Variants in COBLL1 observed in about 807,000 individuals in gnomAD.
The protein encoded by COBLL1 is cordon-bleu protein-like 1.
COBLL1 carries 50 observed loss-of-function variants against 94.8 expected under a neutral mutation model. That is an observed-to-expected ratio of 0.53 (90% confidence interval 0.42 to 0.67). The LOEUF is 0.67. COBLL1 is among the 30% of genes least tolerant of loss of function. The pLI is 0.00. For missense variants in COBLL1, 1,362 were observed against 1,348.7 expected, an observed-to-expected ratio of 1.01 and a Z score of -0.15; for synonymous variants, 448 against 473.8, an observed-to-expected ratio of 0.95 and a Z score of 0.71.
chr2:164,661,986 CTT>C (rs534797668), intron 2 of COBLL1, among the ~76,000 whole-genome samples: 39 of 152,102 alleles, frequency 2.6e-4, no homozygotes, highest in Non-Finnish European at 5.3e-4. Flanking sequence ...ATTATTCACT[CTT>C]GTTTTTAAAT....
chr2:164,815,655 T>G (rs1198898767), intron 2 of COBLL1, among the ~76,000 whole-genome samples: 1 of 152,146 alleles, frequency 6.6e-6, no homozygotes, highest in Non-Finnish European at 1.5e-5. Flanking sequence ...GTATTAAGAA[T>G]ATCAATAAAT....
chr2:164,673,849 CT>C (rs1691289651), intron 1 of COBLL1, among the ~76,000 whole-genome samples: 2 of 151,940 alleles, frequency 1.3e-5, no homozygotes, highest in Admixed American at 1.3e-4. Context: ...CAAATTAAAC[CT>C]AACCAAATTT....
rs1682974340 is a variant in COBLL1 at position 164,680,257 on chromosome 2, T to C, written c.*5689A>G. ...AAACATGCAGACAAGTTAAAAATCA[T>C]GTACAATATAACCCACATACCCACC... On this transcript the variant is annotated 3_prime_UTR_variant, in exon 14 of 14. Coordinates refer to ENST00000652658, the MANE Select transcript of COBLL1 (RefSeq NM_001365672.2). 6.6e-6 allele frequency: 1 copy of C among 152,106 alleles called. No homozygotes were observed. The highest frequency in any genetic ancestry group is 2.4e-5 in the African/African-American group (1 of 41,420). 9.4% of individuals were successfully genotyped at this position (152,106 alleles called of 1,614,324 possible). A position where few individuals can be genotyped will look rare whatever the true frequency, so the allele number is the denominator to read the frequency against.
At position 164,699,450 on chromosome 2, in the gene COBLL1, C is replaced by G. The variant is rs1386416934; in HGVS notation, c.1510G>C (p.Asp504His). Residue 504 changes from aspartate (D) to histidine (H), a missense_variant, in exon 11 of 14, where the codon GAC (aspartate) becomes CAC (histidine). By Grantham distance (81) the Asp-to-His change is moderately conservative (BLOSUM62 -1). Coordinates refer to ENST00000652658, the MANE Select transcript of COBLL1 (RefSeq NM_001365672.2). ...YDTSNGKKVV[D>H]SIRNLKSLGP... ...AACGACTTCAAGTTTCTTATACTGTCAACTACCTTCTTTCCATTGCTTGTA... is the reference window on the plus strand; with the variant it reads ...AACGACTTCAAGTTTCTTATACTGTGAACTACCTTCTTTCCATTGCTTGTA... The G allele has an allele frequency of 6.2e-7, 1 of 1,612,506 alleles. No homozygotes were observed. Among genetic ancestry groups the G allele is most frequent in the Non-Finnish European group, 8.5e-7 (1 of 1,178,798 alleles).
At chr2:164,665,158 C>T (rs1295676060) in intron 2 of COBLL1, among the ~76,000 whole-genome samples, 2 of 151,930 alleles carry the variant, frequency 1.3e-5, no homozygotes, top group African/African-American at 2.4e-5. Context: ...TGGCAAAACG[C>T]CATCTCTACT....
chr2:164,756,853 T>A (rs1687435385), intron 2 of COBLL1, among the ~76,000 whole-genome samples: 1 of 152,106 alleles, frequency 6.6e-6, no homozygotes, highest in Non-Finnish European at 1.5e-5. Context: ...GAGATCGTGG[T>A]TTGTGTCTGG....
chr2:164,756,345 C>T (rs939756828), intron 2 of COBLL1, among the ~76,000 whole-genome samples: 2 of 152,112 alleles, frequency 1.3e-5, no homozygotes, highest in African/African-American at 4.8e-5. Context: ...TAACATAATT[C>T]TCTCTCTCCA....
At position 164,758,917 on chromosome 2, in the gene COBLL1, T is replaced by C. The variant is rs911086231; in HGVS notation, c.42-15042A>G. Reference sequence around the variant, plus strand: ...GCAATAAATATAGAAAAAAAAGTTCTCCACCAAAGGAAGTTAAAAAGTTTT... The same window carrying C: ...GCAATAAATATAGAAAAAAAAGTTCCCCACCAAAGGAAGTTAAAAAGTTTT... On this transcript the variant is annotated intron_variant, in intron 2 of 13. Coordinates refer to ENST00000652658, the MANE Select transcript of COBLL1 (RefSeq NM_001365672.2). Among the ~76,000 whole-genome samples, 96 of 152,150 alleles carry C rather than the reference T, an allele frequency of 6.3e-4. 1 individual carries two copies. The highest frequency in any genetic ancestry group is 2.1e-3 in the African/African-American group (86 of 41,532).
intron 2 of COBLL1, among the ~76,000 whole-genome samples, chr2:164,809,351 C>T (rs995297105): frequency 2.5e-4 from 38 of 151,912 alleles, no homozygotes; most frequent in African/African-American, 8.9e-4. Flanking sequence ...ACTCTTATTC[C>T]TACATGTAAC....
chr2:164,842,022 A>G (rs1024741943), upstream of COBLL1: 10 of 1,537,936 alleles, frequency 6.5e-6, no homozygotes, highest in Non-Finnish European at 8.7e-6. Context: ...GCCGCACATA[A>G]GTGGGGACCA....
chr2:164,785,347 C>G (rs1276483681), intron 2 of COBLL1, among the ~76,000 whole-genome samples: 1 of 152,164 alleles, frequency 6.6e-6, no homozygotes, highest in African/African-American at 2.4e-5. Flanking sequence ...AGAGATTGCA[C>G]TACTGCACCT....
At chr2:164,746,771 A>G (rs1308389182) in intron 2 of COBLL1, among the ~76,000 whole-genome samples, 10 of 151,886 alleles carry the variant, frequency 6.6e-5, no homozygotes, top group Admixed American at 6.6e-4. Context: ...TCCCCTATCT[A>G]ACACTTTCTC....
chr2:164,714,509 G>A (rs530878687), intron 7 of COBLL1, among the ~76,000 whole-genome samples: 16 of 152,204 alleles, frequency 1.1e-4, no homozygotes, highest in Non-Finnish European at 1.9e-4. Flanking sequence ...CCACAGGGTA[G>A]GAGAATGTGA....
rs1299296969 is a variant in COBLL1 at position 164,680,342 on chromosome 2, C to T, written c.*5604G>A. ...AATGTAGAGAGTAATGATGACATTA[C>T]CAAAATTTCCTAAGTATATTATTTT... On this transcript the variant is annotated 3_prime_UTR_variant, in exon 14 of 14. Transcript: ENST00000652658. 6.6e-6 allele frequency: 1 copy of T among 151,992 alleles called. No individual in the cohort carries two copies. The highest frequency in any genetic ancestry group is 1.5e-5 in the Non-Finnish European group (1 of 67,990). 9.4% of individuals were successfully genotyped at this position (151,992 alleles called of 1,614,324 possible). A position where few individuals can be genotyped will look rare whatever the true frequency, so the allele number is the denominator to read the frequency against.
intron 2 of COBLL1, among the ~76,000 whole-genome samples, chr2:164,826,896 GT>G (rs11307250): frequency 0.56 from 68,011 of 121,820 alleles, 15,784 homozygotes; most frequent in African/African-American, 0.69. Context: ...TCTTTGTTTC[GT>G]TTTTTTTTTT....
chr2:164,764,190 C>T (rs994303233), intron 2 of COBLL1, among the ~76,000 whole-genome samples: 2 of 152,216 alleles, frequency 1.3e-5, no homozygotes. Flanking sequence ...TGAGCCACCA[C>T]ACCCAGCTAG....
intron 7 of COBLL1, among the ~76,000 whole-genome samples, chr2:164,706,035 G>C (rs2105459374): frequency 6.6e-6 from 1 of 152,128 alleles, no homozygotes; most frequent in Non-Finnish European, 1.5e-5. Flanking sequence ...ACTCCATCTT[G>C]AAAAAATGAA....
intron 2 of COBLL1, among the ~76,000 whole-genome samples, chr2:164,804,721 TA>T (rs1377623888): frequency 6.6e-6 from 1 of 152,158 alleles, no homozygotes; most frequent in East Asian, 1.9e-4. Context: ...GAAGATTAGT[TA>T]ATAAATAATA....
Position 164,692,406 on chromosome 2 carries a change from A to G in COBLL1, c.3124-9T>C. On this transcript the variant is annotated splice_polypyrimidine_tract_variant and intron_variant, in intron 12 of 13. Coordinates refer to ENST00000652658, the MANE Select transcript of COBLL1 (RefSeq NM_001365672.2). ...TGTGCAGAGTTATTTTCCTACAAAA[A>G]TAAATGTGAAATATTTATATGAATG... 3 of 1,583,548 alleles carry G rather than the reference A, an allele frequency of 1.9e-6. No individual in the cohort carries two copies. The highest frequency in any genetic ancestry group is 2.6e-6 in the Non-Finnish European group (3 of 1,167,396).
Sources: allele counts gnomAD v4.1 joint callset (sites outside exome capture counted in the v4.1 genomes callset), GRCh38; gene constraint gnomAD v4.1.1; transcripts MANE v1.5; gene names NCBI Gene and HGNC (gene_info 2026-07-23, HGNC 2026-07-21).